Variants in SLC9A9 observed in about 807,000 individuals in gnomAD.
The protein encoded by SLC9A9 is sodium/hydrogen exchanger 9.
Under a neutral mutation model 77.8 loss-of-function variants are expected in SLC9A9, and 62 were observed. That is an observed-to-expected ratio of 0.80 (90% CI 0.65 to 0.98). SLC9A9 has a LOEUF of 0.98. SLC9A9 is among the 50% of genes least tolerant of loss of function. The pLI is 0.00. For synonymous variants in SLC9A9, 320 were observed against 283.5 expected (o/e 1.13, Z -1.29); for missense variants, 775 against 774.9 (o/e 1.00, Z 0.00).
chr3:143,696,507 G>A (rs1933644848), intron 4 of SLC9A9, among the ~76,000 whole-genome samples: 1 of 152,166 alleles, frequency 6.6e-6, no homozygotes, highest in Non-Finnish European at 1.5e-5. Context: ...GATCAACACT[G>A]GGACATTCTG....
intron 14 of SLC9A9, among the ~76,000 whole-genome samples, chr3:143,277,703 A>G (rs1293877021): frequency 6.6e-6 from 1 of 152,194 alleles, no homozygotes; most frequent in Non-Finnish European, 1.5e-5. Flanking sequence ...GCATAGAGTG[A>G]GCCTTGGCTT....
intron 4 of SLC9A9, among the ~76,000 whole-genome samples, chr3:143,732,979 A>G (rs1035142174): frequency 2.0e-5 from 3 of 150,028 alleles, no homozygotes; most frequent in East Asian, 3.9e-4. Flanking sequence ...CGAAACCATC[A>G]ATGACCTGAA....
At chr3:143,608,494 G>T (rs922916901) in intron 6 of SLC9A9, among the ~76,000 whole-genome samples, 11 of 152,294 alleles carry the variant, frequency 7.2e-5, no homozygotes, top group African/African-American at 2.2e-4. Flanking sequence ...AGTGAAGCAG[G>T]ATGGATAGAT....
intron 8 of SLC9A9, among the ~76,000 whole-genome samples, chr3:143,571,991 C>A (rs1456006592): frequency 6.6e-6 from 1 of 152,186 alleles, no homozygotes; most frequent in African/African-American, 2.4e-5. Context: ...TTGCCTAAAT[C>A]TAGTGTACTA....
intron 12 of SLC9A9, among the ~76,000 whole-genome samples, chr3:143,440,621 T>C (rs1265098296): frequency 6.6e-6 from 1 of 152,172 alleles, no homozygotes; most frequent in African/African-American, 2.4e-5. Context: ...TGAAGCTGTA[T>C]ATGAGCCTGT....
chr3:143,818,698 T>C (rs114112069), intron 2 of SLC9A9, among the ~76,000 whole-genome samples: 1,981 of 28,644 alleles, frequency 0.069, 16 homozygotes, highest in Non-Finnish European at 0.18. Flanking sequence ...TCCAAACCTA[T>C]TGAGTTTTTT....
intron 2 of SLC9A9, among the ~76,000 whole-genome samples, chr3:143,806,800 T>C (rs1312340497): frequency 6.6e-6 from 1 of 152,118 alleles, no homozygotes; most frequent in African/African-American, 2.4e-5. Context: ...GAATAAGATC[T>C]AGTATTTGAG....
chr3:143,795,944 C>A (rs1437628431), intron 3 of SLC9A9, among the ~76,000 whole-genome samples: 2 of 146,848 alleles, frequency 1.4e-5, no homozygotes, highest in East Asian at 2.1e-4. Flanking sequence ...CAAGAGGGAG[C>A]CTGGAGTACA....
intron 9 of SLC9A9, among the ~76,000 whole-genome samples, chr3:143,496,257 TTAAAAG>T (rs2035832081): frequency 6.6e-6 from 1 of 152,208 alleles, no homozygotes; most frequent in Non-Finnish European, 1.5e-5. Flanking sequence ...AACTTTCAGA[TTAAAAG>T]TAAAAGGGAA....
At chr3:143,606,436 C>CTCTCTCTCTCTCTCTCTATA (rs1419410834) in intron 6 of SLC9A9, among the ~76,000 whole-genome samples, 5 of 54,216 alleles carry the variant, frequency 9.2e-5, no homozygotes, top group African/African-American at 3.1e-4. Context: ...CTCTCTCTCT[C>CTCTCTCTCTCTCTCTCTATA]TATATATATA....
intron 2 of SLC9A9, among the ~76,000 whole-genome samples, chr3:143,816,119 A>G (rs1360124655): frequency 1.3e-5 from 2 of 152,210 alleles, no homozygotes; most frequent in South Asian, 4.1e-4. Flanking sequence ...CAATGCCCTG[A>G]AGTCAGTGCC....
At chr3:143,405,213 G>A (rs1292116042) in intron 12 of SLC9A9, among the ~76,000 whole-genome samples, 1 of 152,090 alleles carries the variant, frequency 6.6e-6, no homozygotes, top group Non-Finnish European at 1.5e-5. Flanking sequence ...AGTGCTATTA[G>A]TCTCCACTTC....
chr3:143,789,460 C>T (rs1197999444), intron 4 of SLC9A9, among the ~76,000 whole-genome samples: 1 of 152,230 alleles, frequency 6.6e-6, no homozygotes, highest in Non-Finnish European at 1.5e-5. Flanking sequence ...GTCACTCTTC[C>T]CTGGGTTAGA....
At chr3:143,696,984 TA>T (rs756635547) in intron 4 of SLC9A9, among the ~76,000 whole-genome samples, 9 of 152,038 alleles carry the variant, frequency 5.9e-5, no homozygotes, top group East Asian at 3.9e-4. Flanking sequence ...AAGAAATTAA[TA>T]AAATATGTAC....
At chr3:143,268,291 A>G (rs1005557064) in intron 15 of SLC9A9, among the ~76,000 whole-genome samples, 4 of 152,208 alleles carry the variant, frequency 2.6e-5, no homozygotes, top group Non-Finnish European at 2.9e-5. Context: ...TCAAAACCTC[A>G]AAACACAGCA....
chr3:143,806,738 G>GGC lies in SLC9A9; in HGVS notation c.379-9836_379-9835insGC, dbSNP rs879938853. Among the ~76,000 whole-genome samples the GGC allele has an allele frequency of 6.5e-3, 643 of 98,260 alleles. 4 individuals carry two copies. Among genetic ancestry groups the GGC allele is most frequent in the Non-Finnish European group, 9.0e-3 (397 of 44,048 alleles). The allele number at this position is 98,260 out of a possible 152,430, so 64.5% of individuals were successfully genotyped here. On this transcript the variant is annotated intron_variant, in intron 2 of 15. Coordinates refer to ENST00000316549, the MANE Select transcript of SLC9A9 (RefSeq NM_173653.4). ...GCTGGGAAGGGTATTATGTGGTGGTGGGGGGGGCAAGTGGGGATTGTGAAT... is the reference window on the plus strand; with the variant it reads ...GCTGGGAAGGGTATTATGTGGTGGTGGCGGGGGGGCAAGTGGGGATTGTGAAT...
intron 8 of SLC9A9, among the ~76,000 whole-genome samples, chr3:143,565,834 T>C (rs909972214): frequency 2.0e-5 from 3 of 152,104 alleles, no homozygotes; most frequent in Non-Finnish European, 4.4e-5. Context: ...GTAAGAGATG[T>C]TGGCTAATGA....
intron 14 of SLC9A9, among the ~76,000 whole-genome samples, chr3:143,328,592 T>A (rs2031675128): frequency 6.6e-6 from 1 of 152,180 alleles, no homozygotes; most frequent in African/African-American, 2.4e-5. Context: ...TGCAATGCCA[T>A]CCCCTTTATC....
At chr3:143,713,485 C>G (rs1333600775) in intron 4 of SLC9A9, among the ~76,000 whole-genome samples, 1 of 152,080 alleles carries the variant, frequency 6.6e-6, no homozygotes, top group Non-Finnish European at 1.5e-5. Context: ...CTATGTTGCT[C>G]TAGAAAGGCA....
Sources: gnomAD v4.1 joint callset for allele counts (sites outside exome capture counted in the v4.1 genomes callset) on GRCh38, gnomAD v4.1.1 for gene constraint, MANE v1.5 for transcripts, NCBI Gene and HGNC (gene_info 2026-07-23, HGNC 2026-07-21) for gene names.